BCAS3: variants seen among roughly 807,000 people sequenced by gnomAD.
BCAS3 encodes BCAS3 microtubule associated cell migration factor.
In BCAS3, 53 loss-of-function variants were observed where a neutral mutation model predicts 116.1. The observed-to-expected ratio is 0.46, with a 90% CI of 0.37 to 0.57. The LOEUF is 0.57. Ranked by LOEUF, BCAS3 falls within the 20% of genes least tolerant of loss-of-function variation. BCAS3 has a pLI of 0.00. For missense variants in BCAS3, 917 were observed against 1,165.4 expected, an observed-to-expected ratio of 0.79 and a Z score of 3.10; for synonymous variants, 391 against 408.2, an observed-to-expected ratio of 0.96 and a Z score of 0.51.
intron 7 of BCAS3, among the ~76,000 whole-genome samples, chr17:60,832,129 T>G (rs750764697): frequency 2.5e-4 from 38 of 152,214 alleles, no homozygotes; most frequent in Non-Finnish European, 2.6e-4. Flanking sequence ...TTTAAATTAT[T>G]AAACACTGTA....
At chr17:60,700,185 A>AAAAAAAAAAAAAAAAAAAAAAAAAAG (rs1319555739) in intron 4 of BCAS3, among the ~76,000 whole-genome samples, 2 of 147,060 alleles carry the variant, frequency 1.4e-5, no homozygotes, top group African/African-American at 5.4e-5. Context: ...AAAAAAAAAA[A>AAAAAAAAAAAAAAAAAAAAAAAAAAG]GAAGCAGTTC....
chr17:61,234,857 T>TA (rs1328076180), intron 22 of BCAS3, among the ~76,000 whole-genome samples: 1 of 151,362 alleles, frequency 6.6e-6, no homozygotes, highest in Non-Finnish European at 1.5e-5. Context: ...CACAAAGCAC[T>TA]AGGCTTTGTC....
Position 61,010,088 on chromosome 17 carries a change from T to C in BCAS3, c.1487-5663T>C, listed in dbSNP as rs200637040. 2.1e-4 allele frequency among the ~76,000 whole-genome samples: 30 copies of C among 144,164 alleles called. No homozygotes were observed. In the South Asian group the frequency reaches 2.3e-3, roughly 11 times the overall value. The allele number at this position is 144,164 out of a possible 152,430, so 94.6% of individuals were successfully genotyped here. ...TCTGTCTTTTTTTTTTTTTTTTTTT[T>C]CCTGTGGAAGTGAGTCTGTTAATGA... On this transcript the variant is annotated intron_variant, in intron 15 of 23. Coordinates refer to ENST00000407086, the MANE Select transcript of BCAS3 (RefSeq NM_017679.5).
chr17:61,087,584 G>A lies in BCAS3; in HGVS notation c.2425+3020G>A. The A allele has an allele frequency of 6.6e-6, 1 of 152,106 alleles. No individual in the cohort carries two copies. Among genetic ancestry groups the A allele is most frequent in the East Asian group, 1.9e-4 (1 of 5,196 alleles). The allele number at this position is 152,106 out of a possible 1,614,324, so 9.4% of individuals were successfully genotyped here. A position where few individuals can be genotyped will look rare whatever the true frequency, so the allele number is the denominator to read the frequency against. ...ACGTTATTCCATTGAAACTAAAAGA[G>A]GTGTGCAGAGTGTGCCACTTTTACC... On this transcript the variant is annotated intron_variant, in intron 22 of 23. Transcript: ENST00000407086. This position sits in a 1 kb window ranked among gnomAD's most constrained non-coding sequence, Gnocchi z 4.6.
chr17:60,706,803 CTTTTTTT>C (rs546689684), intron 4 of BCAS3, among the ~76,000 whole-genome samples: 2 of 122,236 alleles, frequency 1.6e-5, no homozygotes, highest in Non-Finnish European at 3.3e-5. Context: ...TTACACTATA[CTTTTTTT>C]TTTTTTTTTT....
chr17:61,271,615 G>GTT (rs1395851445), intron 22 of BCAS3, among the ~76,000 whole-genome samples: 1 of 148,040 alleles, frequency 6.8e-6, no homozygotes, highest in Non-Finnish European at 1.5e-5. Context: ...GTGTGTGTGT[G>GTT]TGTGTGTGTG....
At chr17:61,055,468 A>G (rs979711763) in intron 19 of BCAS3, among the ~76,000 whole-genome samples, 3 of 152,218 alleles carry the variant, frequency 2.0e-5, no homozygotes, top group Non-Finnish European at 2.9e-5. Context: ...ACCAGGGGCT[A>G]TGGATAGACC....
chr17:61,289,883 G>C (rs2052218298), intron 22 of BCAS3, among the ~76,000 whole-genome samples: 1 of 152,180 alleles, frequency 6.6e-6, no homozygotes, highest in Non-Finnish European at 1.5e-5. Context: ...GAGGTATAAA[G>C]GTCTGTTCCT....
chr17:61,150,738 G>A (rs923372516), intron 22 of BCAS3, among the ~76,000 whole-genome samples: 1 of 152,186 alleles, frequency 6.6e-6, no homozygotes, highest in Non-Finnish European at 1.5e-5. Context: ...CTGAGGCCAA[G>A]TTGTAAATGT....
Position 61,323,192 on chromosome 17 carries a change from T to A in BCAS3, c.2426-45135T>A, listed in dbSNP as rs2144829055. 6.6e-6 allele frequency among the ~76,000 whole-genome samples: 1 copy of A among 152,280 alleles called. No individual in the cohort carries two copies. The highest frequency in any genetic ancestry group is 1.9e-4 in the East Asian group (1 of 5,184). ...GATGACCACGGGCCAGATTGTTCAT[T>A]TCACAAAGGGGAGGCTTTTAAAAAT... On this transcript the variant is annotated intron_variant, in intron 22 of 23. Transcript: ENST00000407086. The surrounding 1 kb of genome is among the most constrained non-coding windows in gnomAD (Gnocchi z 4.6).
chr17:61,254,123 C>T (rs76385148), intron 22 of BCAS3, among the ~76,000 whole-genome samples: 110 of 152,276 alleles, frequency 7.2e-4, no homozygotes, highest in Non-Finnish European at 1.3e-3. Flanking sequence ...CTCAAGAGAG[C>T]CGGCCTCCTT....
chr17:60,683,466 A>C (rs1168676483), intron 2 of BCAS3, among the ~76,000 whole-genome samples: 1 of 146,872 alleles, frequency 6.8e-6, no homozygotes, highest in African/African-American at 2.5e-5. Flanking sequence ...ATGAAACGAG[A>C]AAGTAGTTTA....
chr17:61,267,405 T>C (rs1482744549), intron 22 of BCAS3, among the ~76,000 whole-genome samples: 1 of 151,912 alleles, frequency 6.6e-6, no homozygotes, highest in African/African-American at 2.4e-5. Flanking sequence ...TTAAAAGATA[T>C]TAAGTCATGA....
At chr17:61,005,368 C>T (rs1250825742) in intron 15 of BCAS3, among the ~76,000 whole-genome samples, 1 of 151,376 alleles carries the variant, frequency 6.6e-6, no homozygotes, top group Non-Finnish European at 1.5e-5. Context: ...CTGTTTTCAT[C>T]TTGAGGAAAA....
At chr17:61,074,850 G>A in intron 19 of BCAS3, 70 bp from the exon 20 acceptor site, 1 of 991,532 alleles carries the variant, frequency 1.0e-6, no homozygotes, top group Admixed American at 2.2e-5. Context: ...TATCCAAAAT[G>A]GTTGTGCCCA....
rs192722400 is a variant in BCAS3, at chr17:60,714,380, A to G, written c.321+5055A>G. ...AGGACTCCCTCTTGTTGAGTTTAAT[A>G]TAACTGTCCCGCGGTGGCTCATGTC... is the stretch of plus-strand genomic sequence containing the variant. On this transcript the variant is annotated intron_variant, in intron 5 of 23. Coordinates refer to ENST00000407086, the MANE Select transcript of BCAS3 (RefSeq NM_017679.5). Among the ~76,000 whole-genome samples the G allele has an allele frequency of 3.7e-3, 566 of 152,176 alleles. 3 individuals are homozygous for G. The highest frequency in any genetic ancestry group is 0.013 in the African/African-American group (535 of 41,530).
In BCAS3 at chr17:61,356,695, T is replaced by G. The variant is rs2058155838; in HGVS notation, c.2426-11632T>G. Among the ~76,000 whole-genome samples, 1 of 152,230 alleles carries G rather than the reference T, an allele frequency of 6.6e-6. No homozygotes were observed. The highest frequency in any genetic ancestry group is 2.1e-4 in the South Asian group (1 of 4,832). ...AGAGGACAGGTAAAGGGACTTGATT[T>G]TAAAATCAACTCCTTCCAGAGTTGT... is the stretch of plus-strand genomic sequence containing the variant. On this transcript the variant is annotated intron_variant, in intron 22 of 23. Transcript: ENST00000407086. The surrounding 1 kb of genome is among the most constrained non-coding windows in gnomAD (Gnocchi z 5.4).
intron 6 of BCAS3, among the ~76,000 whole-genome samples, chr17:60,799,004 C>T (rs1029267784): frequency 3.8e-4 from 58 of 152,228 alleles, no homozygotes; most frequent in African/African-American, 1.4e-3. Flanking sequence ...GTCTTTTGCC[C>T]ATAGTGTTTT....
At chr17:61,290,837 G>A (rs1041994486) in intron 22 of BCAS3, among the ~76,000 whole-genome samples, 3 of 152,112 alleles carry the variant, frequency 2.0e-5, no homozygotes, top group African/African-American at 7.2e-5. Context: ...CTGGAGTGCA[G>A]TGGCGTGATC....
Sources: allele counts gnomAD v4.1 joint callset (sites outside exome capture counted in the v4.1 genomes callset), GRCh38; gene constraint gnomAD v4.1.1; non-coding constraint Gnocchi (gnomAD v3.1); transcripts MANE v1.5; gene names NCBI Gene and HGNC (gene_info 2026-07-23, HGNC 2026-07-21).